The following SIM1 variants were observed in gnomAD, a reference collection of about 807,000 sequenced individuals.
The protein encoded by SIM1 is SIM bHLH transcription factor 1, also known as single-minded homolog 1.
SIM1 carries 18 observed loss-of-function variants against 78.2 expected under a neutral mutation model. That is an observed-to-expected ratio of 0.23 (90% CI 0.16 to 0.34). The LOEUF is 0.34. Ranked by LOEUF, SIM1 falls within the 10% of genes least tolerant of loss-of-function variation. The probability of loss-of-function intolerance (pLI) is 1.00; values close to 1 mark genes in which losing one functional copy is unlikely to be tolerated. For missense variants in SIM1, 939 were observed against 975.1 expected, an observed-to-expected ratio of 0.96 and a Z score of 0.49; for synonymous variants, 417 against 385.2, an observed-to-expected ratio of 1.08 and a Z score of -0.97.
intron 9 of SIM1, 116 bp from the exon 10 acceptor site, chr6:100,421,074 C>T (rs1381753457): frequency 3.9e-6 from 4 of 1,036,394 alleles, no homozygotes; most frequent in Non-Finnish European, 5.5e-6. Flanking sequence ...AAAAGTTAGC[C>T]CTATAACTAG....
chr6:100,434,500 T>C (rs917185188), intron 9 of SIM1, among the ~76,000 whole-genome samples: 1 of 152,224 alleles, frequency 6.6e-6, no homozygotes, highest in Non-Finnish European at 1.5e-5. Flanking sequence ...CTGAAACAAG[T>C]GAAGCTCCTG....
intron 2 of SIM1, among the ~76,000 whole-genome samples, chr6:100,461,161 C>G (rs1002743111): frequency 1.3e-5 from 2 of 152,170 alleles, no homozygotes; most frequent in Non-Finnish European, 2.9e-5. Context: ...CAAGAGGACT[C>G]CAGCGGGAGC....
At chr6:100,438,735 A>T (rs1316920422) in intron 9 of SIM1, among the ~76,000 whole-genome samples, 1 of 152,246 alleles carries the variant, frequency 6.6e-6, no homozygotes, top group East Asian at 1.9e-4. Flanking sequence ...CAATGAGTGG[A>T]TAAAGAAAAT....
Position 100,388,409 on chromosome 6 carries a change from G to C in SIM1, c.*1952C>G, listed in dbSNP as rs1770559025. On this transcript the variant is annotated 3_prime_UTR_variant, in exon 12 of 12. Coordinates refer to ENST00000369208, the MANE Select transcript of SIM1 (RefSeq NM_005068.3). ...CACAGTTCAAACCCATGTTATTCAAGGGTCAACTGCACTTTGAATTTTTTG... is the reference window on the plus strand; with the variant it reads ...CACAGTTCAAACCCATGTTATTCAACGGTCAACTGCACTTTGAATTTTTTG... 1 of 152,116 alleles carries C rather than the reference G, an allele frequency of 6.6e-6. No individual in the cohort carries two copies. Among genetic ancestry groups the C allele is most frequent in the Non-Finnish European group, 1.5e-5 (1 of 68,014 alleles). 9.4% of individuals were successfully genotyped at this position (152,116 alleles called of 1,614,324 possible). A position where few individuals can be genotyped will look rare whatever the true frequency, so the allele number is the denominator to read the frequency against.
At position 100,390,979 on chromosome 6, in the gene SIM1, G is replaced by T; in HGVS notation, c.1683C>A (p.Pro561=). Residue 561 remains proline, a synonymous_variant, in exon 12 of 12, where the codon CCC becomes CCA. Transcript: ENST00000369208. ...CTCTTATAAGAGTTTCAATTTTGCTGGGTTCATGTGGGCTACTTTGATACT... is the reference window on the plus strand; with the variant it reads ...CTCTTATAAGAGTTTCAATTTTGCTTGGTTCATGTGGGCTACTTTGATACT... ...TEQYQSSPHE[P]SKIETLIRAT... 6.2e-7 allele frequency: 1 copy of T among 1,614,056 alleles called. No individual in the cohort carries two copies. Among genetic ancestry groups the T allele is most frequent in the Non-Finnish European group, 8.5e-7 (1 of 1,180,016 alleles).
Position 100,420,849 on chromosome 6 carries a change from C to G in SIM1, c.1108G>C (p.Gly370Arg), listed in dbSNP as rs758867659. The G allele has an allele frequency of 1.9e-6, 3 of 1,613,992 alleles. No individual in the cohort carries two copies. In the Admixed American group the frequency reaches 5.0e-5, roughly 27 times the overall value. ...GAGCTGGAGAGCCGGGATTTGGCCC[C>G]CTTTCTGTTGTCAGTCATGGTGGGG... ...STPTMTDNRK[G>R]AKSRLSSSKS... The change falls in exon 10 of 12, where the codon GGG becomes CGG. Residue 370 changes from glycine (G) to arginine (R), a missense_variant. Transcript: ENST00000369208.
intron 2 of SIM1, among the ~76,000 whole-genome samples, chr6:100,456,067 G>T (rs1772645867): frequency 6.6e-6 from 1 of 151,032 alleles, no homozygotes; most frequent in Admixed American, 6.6e-5. Flanking sequence ...CACCTTTTAA[G>T]GAAGCTTTTG....
intron 2 of SIM1, among the ~76,000 whole-genome samples, chr6:100,454,542 C>CT (rs1383837194): frequency 1.3e-5 from 2 of 152,132 alleles, no homozygotes; most frequent in Non-Finnish European, 2.9e-5. Flanking sequence ...CCCGCATAGG[C>CT]TTTTTCTGAA....
chr6:100,439,390 G>A (rs1165201491), intron 9 of SIM1, among the ~76,000 whole-genome samples: 1 of 152,146 alleles, frequency 6.6e-6, no homozygotes, highest in East Asian at 1.9e-4. Flanking sequence ...GAGCTCCTTT[G>A]TATTCTGTGT....
intron 10 of SIM1, among the ~76,000 whole-genome samples, chr6:100,407,663 A>T (rs1221745643): frequency 6.6e-6 from 1 of 152,136 alleles, no homozygotes; most frequent in Middle Eastern, 3.4e-3. Context: ...GTGATATCTC[A>T]TTGAGGCTTT....
intron 9 of SIM1, among the ~76,000 whole-genome samples, chr6:100,430,018 C>G (rs1771860890): frequency 6.6e-6 from 1 of 152,032 alleles, no homozygotes; most frequent in Middle Eastern, 3.4e-3. Flanking sequence ...TTCATGTGAG[C>G]TATATGACTT....
At chr6:100,412,740 AAAGAAAGAAAG>A (rs1771282764) in intron 10 of SIM1, among the ~76,000 whole-genome samples, 1 of 142,430 alleles carries the variant, frequency 7.0e-6, no homozygotes, top group Non-Finnish European at 1.5e-5. Flanking sequence ...AGAAAGAAAG[AAAGAAAGAAAG>A]AAAAAAGAAA....
rs1388833181 is a variant in SIM1 at position 100,386,949 on chromosome 6, A to G, written c.*3412T>C. 6.6e-6 allele frequency: 1 copy of G among 152,086 alleles called. No individual in the cohort carries two copies. Among genetic ancestry groups the G allele is most frequent in the African/African-American group, 2.4e-5 (1 of 41,440 alleles). The allele number at this position is 152,086 out of a possible 1,614,324, so 9.4% of individuals were successfully genotyped here. On this transcript the variant is annotated 3_prime_UTR_variant, in exon 12 of 12. Coordinates refer to ENST00000369208, the MANE Select transcript of SIM1 (RefSeq NM_005068.3). ...AGTGATTGTGACATTAATATTACAC[A>G]TCCCAAAATAACACATCAAATCTAT...
Position 100,452,794 on chromosome 6 carries a change from G to A in SIM1, c.258+968C>T, listed in dbSNP as rs993133557. 3.3e-5 allele frequency among the ~76,000 whole-genome samples: 5 copies of A among 152,188 alleles called. No individual in the cohort carries two copies. In the South Asian group the frequency reaches 6.2e-4, roughly 19 times the overall value. On this transcript the variant is annotated intron_variant, in intron 3 of 11. Transcript: ENST00000369208. ...ATAAATTCAAAGGTGTGAAGGCCAC[G>A]TCAGTGAGAGAATGCTTGCCCAACC...
rs186821917 is a variant in SIM1 at position 100,399,744 on chromosome 6, C to A, written c.1168-5855G>T. Among the ~76,000 whole-genome samples, 514 of 152,118 alleles carry A rather than the reference C, an allele frequency of 3.4e-3. 2 individuals carry two copies. The highest frequency in any genetic ancestry group is 0.012 in the African/African-American group (503 of 41,536). The stretch of plus-strand genomic sequence containing the variant: ...ATTCAGTAAGTATTAAATAATATGA[C>A]AGCATTGAGTCAAACATATCAACCC... On this transcript the variant is annotated intron_variant, in intron 10 of 11. Transcript: ENST00000369208.
chr6:100,450,485 A>G, intron 3 of SIM1, 129 bp from the exon 4 acceptor site: 1 of 747,718 alleles, frequency 1.3e-6, no homozygotes, highest in Non-Finnish European at 2.3e-6. Flanking sequence ...TTTGGCAGGA[A>G]ACAGGGCATA....
rs141783266 is a variant in SIM1, at chr6:100,395,964, T to C, written c.1168-2075A>G. On this transcript the variant is annotated intron_variant, in intron 10 of 11. Coordinates refer to ENST00000369208, the MANE Select transcript of SIM1 (RefSeq NM_005068.3). ...CACCTACACATATGGACTATCAGCATATTCCATCAAGAAAAAAAATTAGAA... is the reference window on the plus strand; with the variant it reads ...CACCTACACATATGGACTATCAGCACATTCCATCAAGAAAAAAAATTAGAA... 6.7e-4 allele frequency: 183 copies of C among 273,800 alleles called. 4 individuals are homozygous for C. In the East Asian group the frequency reaches 0.027, roughly 41 times the overall value. 17.0% of individuals were successfully genotyped at this position (273,800 alleles called of 1,614,324 possible).
chr6:100,453,961 G>A (rs189557), intron 2 of SIM1, 117 bp from the exon 3 acceptor site: 23,799 of 631,922 alleles, frequency 0.038, 2,010 homozygotes, highest in African/African-American at 0.23. Context: ...ATACCATAGG[G>A]GATCCCTCTC....
chr6:100,391,859 T>G (rs1232699557), intron 11 of SIM1, among the ~76,000 whole-genome samples: 1 of 152,118 alleles, frequency 6.6e-6, no homozygotes, highest in Non-Finnish European at 1.5e-5. Context: ...CTCAGTTACC[T>G]TAGATTGTTT....
Sources: gnomAD v4.1 joint callset for allele counts (sites outside exome capture counted in the v4.1 genomes callset) on GRCh38, gnomAD v4.1.1 for gene constraint, MANE v1.5 for transcripts, NCBI Gene and HGNC (gene_info 2026-07-23, HGNC 2026-07-21) for gene names.